MAPRE2: variants seen among roughly 807,000 people sequenced by gnomAD.
The protein encoded by MAPRE2 is microtubule associated protein RP/EB family member 2.
MAPRE2 carries 13 observed loss-of-function variants against 43.2 expected under a neutral mutation model. The observed-to-expected ratio is 0.30, with a 90% CI of 0.20 to 0.48. The LOEUF (loss-of-function observed/expected upper bound fraction) is 0.48. MAPRE2 is among the 20% of genes least tolerant of loss of function. The pLI is 0.99. For synonymous variants in MAPRE2, 135 were observed against 148.8 expected, an observed-to-expected ratio of 0.91 and a Z score of 0.68; for missense variants, 161 against 400.2, an observed-to-expected ratio of 0.40 and a Z score of 5.10.
In MAPRE2 at chr18:35,142,968, C is replaced by G. The variant is rs1177068491; in HGVS notation, c.*2599C>G. On this transcript the variant is annotated 3_prime_UTR_variant, in exon 7 of 7. Coordinates refer to ENST00000300249, the MANE Select transcript of MAPRE2 (RefSeq NM_014268.4). ...CATCCTTAGTACCCCCCCTCGTGCCCGCTGTCGGCTGGTTATAGCACTTCC... is the reference window on the plus strand; with the variant it reads ...CATCCTTAGTACCCCCCCTCGTGCCGGCTGTCGGCTGGTTATAGCACTTCC... 4.0e-5 allele frequency: 6 copies of G among 151,702 alleles called. No homozygotes were observed. In the South Asian group the frequency reaches 1.3e-3, roughly 32 times the overall value. The allele number at this position is 151,702 out of a possible 1,614,324, so 9.4% of individuals were successfully genotyped here.
Position 35,140,407 on chromosome 18 carries a change from G to T in MAPRE2, c.*38G>T, listed in dbSNP as rs1380042729. The T allele has an allele frequency of 2.6e-6, 4 of 1,563,276 alleles. No individual in the cohort carries two copies. Among genetic ancestry groups the T allele is most frequent in the East Asian group, 2.4e-5 (1 of 42,386 alleles). ...GCTCTTGACACTTCCATTGTGTGTG[G>T]GAACGTTTCTTCTGGAGAATTGGAA... is the stretch of plus-strand genomic sequence containing the variant. On this transcript the variant is annotated 3_prime_UTR_variant, in exon 7 of 7. Transcript: ENST00000300249.
intron 1 of MAPRE2, among the ~76,000 whole-genome samples, chr18:34,997,332 G>A (rs1228323750): frequency 6.6e-6 from 1 of 152,138 alleles, no homozygotes; most frequent in African/African-American, 2.4e-5. Context: ...ATCCTTAGGG[G>A]ATACAAAGAC....
At chr18:34,985,304 G>T (rs943258137) in intron 1 of MAPRE2, among the ~76,000 whole-genome samples, 211 of 7,014 alleles carry the variant, frequency 0.03, 15 homozygotes, top group African/African-American at 0.055. Context: ...ATTATATATT[G>T]TATATATTAT....
In MAPRE2 at chr18:35,141,603, AT is replaced by A. The variant is rs1032650896; in HGVS notation, c.*1240del. ...CATTAATGAATTAAAAGCATTCCTT[AT>A]TTTTTAACTAATATTTGTACATTTT... On this transcript the variant is annotated 3_prime_UTR_variant, in exon 7 of 7. Transcript: ENST00000300249. 2 of 151,932 alleles carry A rather than the reference AT, an allele frequency of 1.3e-5. No individual in the cohort carries two copies. The highest frequency in any genetic ancestry group is 1.3e-4 in the Admixed American group (2 of 15,270). 9.4% of individuals were successfully genotyped at this position (151,932 alleles called of 1,614,324 possible). A position where few individuals can be genotyped will look rare whatever the true frequency, so the allele number is the denominator to read the frequency against.
intron 2 of MAPRE2, among the ~76,000 whole-genome samples, chr18:35,022,436 A>G: frequency 6.6e-6 from 1 of 152,192 alleles, no homozygotes; most frequent in East Asian, 1.9e-4. Flanking sequence ...TGTCAATAAA[A>G]AAGTAGTTAA....
intron 2 of MAPRE2, among the ~76,000 whole-genome samples, chr18:35,027,558 G>C (rs770477910): frequency 6.6e-6 from 1 of 152,120 alleles, no homozygotes; most frequent in African/African-American, 2.4e-5. Flanking sequence ...AGCTACATGA[G>C]AGACCATGGG....
chr18:35,090,899 G>A (rs1908118303), intron 2 of MAPRE2, among the ~76,000 whole-genome samples: 1 of 152,122 alleles, frequency 6.6e-6, no homozygotes, highest in South Asian at 2.1e-4. Context: ...ACAAAAGTCA[G>A]CAGCGTTTCT....
At chr18:35,081,765 G>A (rs1459471677) in intron 2 of MAPRE2, among the ~76,000 whole-genome samples, 4 of 152,060 alleles carry the variant, frequency 2.6e-5, no homozygotes, top group African/African-American at 7.2e-5. Context: ...AGAAAGGGGC[G>A]CATTGTGTAG....
At chr18:34,998,772 A>ATTTTTTTTTTTTTTTTTTTTTTTTTT (rs67933808) in intron 1 of MAPRE2, among the ~76,000 whole-genome samples, 1 of 93,726 alleles carries the variant, frequency 1.1e-5, no homozygotes, top group African/African-American at 5.0e-5. Flanking sequence ...CGAAGTTGCA[A>ATTTTTTTTTTTTTTTTTTTTTTTTTT]TTTTTTTTTT....
At chr18:35,039,337 G>T (rs1603392642), upstream of MAPRE2, among the ~76,000 whole-genome samples, 2 of 152,228 alleles carry the variant, frequency 1.3e-5, no homozygotes, top group South Asian at 4.1e-4. Context: ...GTCTTTGCAA[G>T]AATGACTACA....
Position 35,141,615 on chromosome 18 carries a change from A to G in MAPRE2, c.*1246A>G, listed in dbSNP as rs1301185709. 1 of 151,522 alleles carries G rather than the reference A, an allele frequency of 6.6e-6. No homozygotes were observed. Among genetic ancestry groups the G allele is most frequent in the Non-Finnish European group, 1.5e-5 (1 of 68,030 alleles). 9.4% of individuals were successfully genotyped at this position (151,522 alleles called of 1,614,324 possible). A position where few individuals can be genotyped will look rare whatever the true frequency, so the allele number is the denominator to read the frequency against. ...AAAAGCATTCCTTATTTTTTAACTA[A>G]TATTTGTACATTTTCTTAGTCTCTT... On this transcript the variant is annotated 3_prime_UTR_variant, in exon 7 of 7. Coordinates refer to ENST00000300249, the MANE Select transcript of MAPRE2 (RefSeq NM_014268.4).
At chr18:35,122,029 G>A (rs1211456292) in intron 4 of MAPRE2, among the ~76,000 whole-genome samples, 1 of 152,152 alleles carries the variant, frequency 6.6e-6, no homozygotes, top group East Asian at 1.9e-4. Context: ...TTGTTAGAAG[G>A]CAGCGAGACC....
intron 6 of MAPRE2, among the ~76,000 whole-genome samples, chr18:35,136,944 A>G (rs1327802439): frequency 2.0e-5 from 3 of 152,254 alleles, no homozygotes; most frequent in Non-Finnish European, 2.9e-5. Context: ...GCTCTGGTGC[A>G]TTAGTCTCAT....
At chr18:35,039,573 A>G (rs1489710440), upstream of MAPRE2, among the ~76,000 whole-genome samples, 1 of 152,210 alleles carries the variant, frequency 6.6e-6, no homozygotes, top group Non-Finnish European at 1.5e-5. Context: ...CCCAAGAGGA[A>G]AGTATAAAAT....
upstream of MAPRE2, among the ~76,000 whole-genome samples, chr18:35,036,560 G>A (rs774189682): frequency 4.6e-4 from 70 of 152,198 alleles, no homozygotes; most frequent in South Asian, 6.2e-4. Flanking sequence ...TGCTGTTTCC[G>A]AGAGATGTTA....
intron 4 of MAPRE2, among the ~76,000 whole-genome samples, chr18:35,126,239 T>C (rs1909896388): frequency 1.3e-5 from 2 of 152,228 alleles, no homozygotes; most frequent in South Asian, 4.1e-4. Flanking sequence ...TTGTTCTTCC[T>C]GATATTCAGC....
rs1910562185 is a variant in MAPRE2, at chr18:35,140,111, G to T, written c.910-184G>T. Among the ~76,000 whole-genome samples, 6 of 152,338 alleles carry T rather than the reference G, an allele frequency of 3.9e-5. No homozygotes were observed. In the South Asian group the frequency reaches 1.2e-3, roughly 32 times the overall value. On this transcript the variant is annotated intron_variant, in intron 6 of 6. Coordinates refer to ENST00000300249, the MANE Select transcript of MAPRE2 (RefSeq NM_014268.4). ...TTCTTTGATCACATGGGGAAGCTAA[G>T]GCGCCCCTGCATATGTATCAGACAC...
intron 1 of MAPRE2, among the ~76,000 whole-genome samples, chr18:34,985,668 AATATATAAATATATATTATATAATATGTG>A (rs2097020483): frequency 9.8e-6 from 1 of 102,430 alleles, no homozygotes; most frequent in African/African-American, 3.6e-5. Flanking sequence ...ATATTATAAT[AATATATAAATATATATTATATAATATGTG>A]ATATATAAAT....
intron 2 of MAPRE2, among the ~76,000 whole-genome samples, chr18:35,020,551 C>CA (rs34608748): frequency 0.027 from 3,922 of 143,960 alleles, 163 homozygotes; most frequent in African/African-American, 0.096. Context: ...CTTGGCTTGT[C>CA]AAAAAAAAAA....
Sources: gnomAD v4.1 joint callset for allele counts (sites outside exome capture counted in the v4.1 genomes callset) on GRCh38, gnomAD v4.1.1 for gene constraint, MANE v1.5 for transcripts, NCBI Gene and HGNC (gene_info 2026-07-23, HGNC 2026-07-21) for gene names.